ARHGEF4: variants seen among roughly 807,000 people sequenced by gnomAD.
The protein encoded by ARHGEF4 is APC-stimulated guanine nucleotide exchange factor 1.
ARHGEF4 carries 119 observed loss-of-function variants against 162.0 expected under a neutral mutation model. That is an observed-to-expected ratio of 0.73 (90% CI 0.63 to 0.86). ARHGEF4 has a LOEUF of 0.86. Among genes scored for constraint, ARHGEF4 ranks in the 40% least tolerant of loss-of-function variants. ARHGEF4 has a pLI of 0.00. For synonymous variants in ARHGEF4, 1,014 were observed against 979.9 expected, an observed-to-expected ratio of 1.03 and a Z score of -0.65; for missense variants, 2,488 against 2,456.0, an observed-to-expected ratio of 1.01 and a Z score of -0.28.
intron 1 of ARHGEF4, among the ~76,000 whole-genome samples, chr2:130,857,047 C>G (rs1385789473): frequency 1.3e-5 from 2 of 152,016 alleles, no homozygotes; most frequent in Non-Finnish European, 2.9e-5. Flanking sequence ...ATGGTGAAAC[C>G]CCGTCTCTAC....
intron 1 of ARHGEF4, among the ~76,000 whole-genome samples, chr2:130,907,724 C>G (rs149909923): frequency 1.1e-4 from 16 of 151,434 alleles, no homozygotes; most frequent in African/African-American, 3.9e-4. Flanking sequence ...GAGGCCAAGG[C>G]AGGCAGATCA....
At chr2:130,909,958 T>A (rs1464205394) in intron 1 of ARHGEF4, among the ~76,000 whole-genome samples, 1 of 151,838 alleles carries the variant, frequency 6.6e-6, no homozygotes, top group Non-Finnish European at 1.5e-5. Context: ...TCAAAAAGTA[T>A]GGAATTCAGT....
In ARHGEF4 at chr2:130,946,521, ACGATCATT is replaced by A; in HGVS notation, c.3872_3879del (p.Thr1291AsnfsTer10). On this transcript the variant is annotated frameshift_variant, in exon 4 of 14. Transcript: ENST00000409359. LOFTEE classifies it high-confidence loss of function. Reference sequence around the variant, plus strand: ...CCTCCTCTTCCAGTGCTGGAGAAAGACGATCATTACCTCTCCAGAGTCTTTGAATCTCC... The same window carrying A: ...CCTCCTCTTCCAGTGCTGGAGAAAGAACCTCTCCAGAGTCTTTGAATCTCC... The A allele has an allele frequency of 6.2e-7, 1 of 1,611,638 alleles. No individual in the cohort carries two copies. Among genetic ancestry groups the A allele is most frequent in the Non-Finnish European group, 8.5e-7 (1 of 1,178,888 alleles).
At chr2:131,044,173 CTG>C in intron 11 of ARHGEF4, 124 bp from the exon 12 acceptor site, 1 of 1,391,958 alleles carries the variant, frequency 7.2e-7, no homozygotes, top group Non-Finnish European at 9.8e-7. Flanking sequence ...CAGGATCTCA[CTG>C]TCTGCTGGGG....
chr2:131,031,285 AT>A (rs1283209095), intron 5 of ARHGEF4, among the ~76,000 whole-genome samples: 2 of 152,220 alleles, frequency 1.3e-5, no homozygotes, highest in African/African-American at 2.4e-5. Flanking sequence ...AGCAGAACGA[AT>A]GCAAACCCTC....
chr2:130,922,624 C>T (rs1004978026), intron 2 of ARHGEF4, among the ~76,000 whole-genome samples: 2 of 152,132 alleles, frequency 1.3e-5, no homozygotes, highest in Non-Finnish European at 2.9e-5. Flanking sequence ...TTTTATGACT[C>T]CTCAGAGTGA....
chr2:131,040,224 ACCC>A lies in ARHGEF4; in HGVS notation c.4482+33_4483-34del, dbSNP rs1221119383. The A allele has an allele frequency of 2.5e-6, 4 of 1,608,804 alleles. No homozygotes were observed. The African/African-American group carries it at 4.0e-5, about 16-fold the overall frequency. On this transcript the variant is annotated intron_variant, in intron 7 of 13. Coordinates refer to ENST00000409359, the MANE Select transcript of ARHGEF4 (RefSeq NM_001367493.1). ...CCCGGCCGGCGGGCGGTGACTGGGG[ACCC>A]GGTCGGGGGAGGCCTAACCACGTCC...
chr2:130,947,953 TA>T (rs1340141887), intron 4 of ARHGEF4, among the ~76,000 whole-genome samples: 1 of 152,166 alleles, frequency 6.6e-6, no homozygotes, highest in South Asian at 2.1e-4. Flanking sequence ...GGTAAAGCCC[TA>T]AGAGTTAGAA....
At chr2:130,944,447 A>AT (rs900388283) in intron 3 of ARHGEF4, among the ~76,000 whole-genome samples, 56 of 152,054 alleles carry the variant, frequency 3.7e-4, no homozygotes, top group African/African-American at 1.3e-3. Flanking sequence ...TTCTATTGGG[A>AT]TTTTTTCCCC....
chr2:131,033,670 C>T (rs1195843069), intron 5 of ARHGEF4, among the ~76,000 whole-genome samples: 1 of 152,192 alleles, frequency 6.6e-6, no homozygotes, highest in Non-Finnish European at 1.5e-5. Flanking sequence ...CTTTAGATGT[C>T]TTCTGATCCC....
At chr2:131,045,093 G>C (rs1046606790) in intron 12 of ARHGEF4, among the ~76,000 whole-genome samples, 2 of 152,192 alleles carry the variant, frequency 1.3e-5, no homozygotes, top group Non-Finnish European at 1.5e-5. Context: ...AAAGACACTA[G>C]ACATGGAGTG....
intron 1 of ARHGEF4, among the ~76,000 whole-genome samples, chr2:130,865,472 G>A (rs990786456): frequency 6.6e-6 from 1 of 152,144 alleles, no homozygotes. Flanking sequence ...CTCTCAGGTC[G>A]TTCCTCCCAC....
In ARHGEF4 at chr2:130,917,439, G is replaced by A. The variant is rs929923809; in HGVS notation, c.3493G>A (p.Gly1165Ser). 34 of 1,550,522 alleles carry A rather than the reference G, an allele frequency of 2.2e-5. No individual in the cohort carries two copies. Among genetic ancestry groups the A allele is most frequent in the Admixed American group, 3.9e-5 (2 of 50,988 alleles). The change falls in exon 2 of 14, where the codon GGC becomes AGC. Residue 1165 changes from glycine (G) to serine (S), a missense_variant. Transcript: ENST00000409359. ...DEQKEESREG[G>S]QGPRGLGTVP... ...GCAGAAGGAAGAGAGCAGGGAAGGAGGCCAGGGTCCGCGCGGCTTGGGCAC... is the reference window on the plus strand; with the variant it reads ...GCAGAAGGAAGAGAGCAGGGAAGGAAGCCAGGGTCCGCGCGGCTTGGGCAC...
chr2:131,046,361 C>T lies in ARHGEF4; in HGVS notation c.*172C>T. ...AGGTCTGTACTCCTGTTGTCTTTTT[C>T]CCTGCTCCTGGTGCCCTGAAGAGAC... On this transcript the variant is annotated 3_prime_UTR_variant, in exon 14 of 14. Coordinates refer to ENST00000409359, the MANE Select transcript of ARHGEF4 (RefSeq NM_001367493.1). 1.4e-6 allele frequency: 1 copy of T among 690,568 alleles called. No homozygotes were observed. The highest frequency in any genetic ancestry group is 2.4e-6 in the Non-Finnish European group (1 of 420,754). The allele number at this position is 690,568 out of a possible 1,614,324, so 42.8% of individuals were successfully genotyped here.
chr2:131,044,401 A>G lies in ARHGEF4; in HGVS notation c.5260A>G (p.Ser1754Gly). 1 of 1,583,362 alleles carries G rather than the reference A, an allele frequency of 6.3e-7. No individual in the cohort carries two copies. The highest frequency in any genetic ancestry group is 8.6e-7 in the Non-Finnish European group (1 of 1,164,684). ...CGGGAAGGACAGAGACCTCCATGTG[A>G]GCATCAAGAACGCCTTCCGGCTGCA... The part of the protein sequence containing the change: ...EDGKDRDLHV[S>G]IKNAFRLHRG... Residue 1754 changes from serine to glycine, a missense_variant, in exon 12 of 14, where the codon AGC becomes GGC. Around this residue, in one of 6 missense-constraint regions of ARHGEF4, gnomAD observed 415 missense variants for 512.4 expected, o/e 0.81. Coordinates refer to ENST00000409359, the MANE Select transcript of ARHGEF4 (RefSeq NM_001367493.1).
intron 1 of ARHGEF4, among the ~76,000 whole-genome samples, chr2:130,850,221 C>T (rs1558999647): frequency 6.6e-6 from 1 of 152,180 alleles, no homozygotes; most frequent in Non-Finnish European, 1.5e-5. Flanking sequence ...CTCTAGGGGC[C>T]TCTTGGGAAG....
At chr2:130,936,100 AAAGACTTATGGTCTTTTC>A (rs1437176934) in intron 3 of ARHGEF4, among the ~76,000 whole-genome samples, 11 of 152,220 alleles carry the variant, frequency 7.2e-5, no homozygotes, top group Admixed American at 3.3e-4. Flanking sequence ...GTTTTCTGTA[AAAGACTTATGGTCTTTTC>A]TGGAGAATGT....
chr2:130,867,765 A>G (rs1682385953), intron 1 of ARHGEF4, among the ~76,000 whole-genome samples: 1 of 151,984 alleles, frequency 6.6e-6, no homozygotes, highest in Non-Finnish European at 1.5e-5. Context: ...GCTACCAGAG[A>G]TAAGATGAGG....
At chr2:130,867,936 CTTTTTTTT>C (rs1156618796) in intron 1 of ARHGEF4, among the ~76,000 whole-genome samples, 2 of 119,936 alleles carry the variant, frequency 1.7e-5, no homozygotes, top group Non-Finnish European at 3.5e-5. Context: ...TTTTTTTTTT[CTTTTTTTT>C]TTTTTTTTGG....
Sources: gnomAD v4.1 joint callset for allele counts (sites outside exome capture counted in the v4.1 genomes callset) on GRCh38, gnomAD v4.1.1 for gene constraint, gnomAD v4.1.1 regional missense constraint, MANE v1.5 for transcripts, NCBI Gene and HGNC (gene_info 2026-07-23, HGNC 2026-07-21) for gene names.